The following PMFBP1 variants were observed in gnomAD, a reference collection of about 807,000 sequenced individuals.
PMFBP1 encodes polyamine-modulated factor 1-binding protein 1.
In PMFBP1, 131 loss-of-function variants were observed where a neutral mutation model predicts 137.8. The ratio of observed to expected loss-of-function variants is 0.95; its 90% CI spans 0.82 to 1.10. PMFBP1 has a LOEUF of 1.10. Ranked by LOEUF, PMFBP1 falls within the 50% of genes least tolerant of loss-of-function variation. PMFBP1 has a pLI of 0.00. For missense variants in PMFBP1, 1,199 were observed against 1,175.4 expected (o/e 1.02, Z -0.29); for synonymous variants, 490 against 450.4 (o/e 1.09, Z -1.11).
the PMFBP1 span, among the ~76,000 whole-genome samples, chr16:72,235,376 A>G: frequency 2.7e-4 from 41 of 151,404 alleles, no homozygotes; most frequent in Non-Finnish European, 4.7e-4. Context: ...TTTATCTACT[A>G]TTTTCTATCT....
upstream of PMFBP1, among the ~76,000 whole-genome samples, chr16:72,173,234 T>C (rs976050615): frequency 2.0e-5 from 3 of 152,220 alleles, no homozygotes; most frequent in Admixed American, 1.3e-4. Context: ...TCTACCACGA[T>C]GGACACCTTT....
chr16:72,139,588 G>A (rs2042685121), intron 6 of PMFBP1, among the ~76,000 whole-genome samples, 189 bp from the exon 7 acceptor site: 1 of 152,152 alleles, frequency 6.6e-6, no homozygotes, highest in African/African-American at 2.4e-5. Context: ...GATTCTCTAA[G>A]GCATATGTGA....
the PMFBP1 span, among the ~76,000 whole-genome samples, chr16:72,227,910 A>C: frequency 6.6e-6 from 1 of 152,220 alleles, no homozygotes; most frequent in Non-Finnish European, 1.5e-5. Flanking sequence ...ATGTTATCAC[A>C]TTCTTATTAT....
intron 14 of PMFBP1, among the ~76,000 whole-genome samples, chr16:72,126,553 A>G (rs1223775476): frequency 6.6e-6 from 1 of 152,214 alleles, no homozygotes; most frequent in Non-Finnish European, 1.5e-5. Flanking sequence ...ATGTGCCAGA[A>G]AGCAGGACTG....
At chr16:72,156,709 C>G (rs2042986975) in intron 3 of PMFBP1, among the ~76,000 whole-genome samples, 1 of 151,856 alleles carries the variant, frequency 6.6e-6, no homozygotes, top group Admixed American at 6.6e-5. Context: ...ATCTGTTCAC[C>G]AGTTGATGGA....
chr16:72,220,460 G>GA, the PMFBP1 span, among the ~76,000 whole-genome samples: 1 of 152,054 alleles, frequency 6.6e-6, no homozygotes, highest in Admixed American at 6.5e-5. Flanking sequence ...CCATGAATAG[G>GA]AAAAAAATGT....
Position 72,119,324 on chromosome 16 carries a change from G to A in PMFBP1, c.*14C>T, listed in dbSNP as rs1567616644. On this transcript the variant is annotated 3_prime_UTR_variant, in exon 21 of 21. Coordinates refer to ENST00000237353, the MANE Select transcript of PMFBP1 (RefSeq NM_031293.3). ...AACACCCGTGGAAATGCTGCTCAGG[G>A]CTAGATGTGGATTCTAGCAGTATGA... 6.2e-7 allele frequency: 1 copy of A among 1,613,266 alleles called. No individual in the cohort carries two copies. The highest frequency in any genetic ancestry group is 1.3e-5 in the African/African-American group (1 of 75,018).
At position 72,164,890 on chromosome 16, in the gene PMFBP1, G is replaced by A. The variant is rs1412699423; in HGVS notation, c.39C>T (p.Ser13=). ...DEAGERDREV[S]SLNSKLLSLQ... The stretch of plus-strand genomic sequence containing the variant: ...GGCTTAACAGCTTGCTGTTCAGGCT[G>A]CTCACTTCTCTGTCTCTCTCCCCCG... Residue 13 remains serine, a synonymous_variant, in exon 3 of 21, where the codon AGC becomes AGT. Transcript: ENST00000237353. The A allele has an allele frequency of 6.3e-7, 1 of 1,599,716 alleles. No individual in the cohort carries two copies. Among genetic ancestry groups the A allele is most frequent in the African/African-American group, 1.3e-5 (1 of 74,844 alleles).
chr16:72,209,570 T>G, the PMFBP1 span, among the ~76,000 whole-genome samples: 27 of 152,258 alleles, frequency 1.8e-4, no homozygotes, highest in African/African-American at 5.5e-4. Flanking sequence ...CATCATAATA[T>G]ATGTAAAATT....
the PMFBP1 span, among the ~76,000 whole-genome samples, chr16:72,209,341 G>A: frequency 2.0e-5 from 3 of 152,020 alleles, no homozygotes; most frequent in Non-Finnish European, 2.9e-5. Flanking sequence ...TATTTTAAAG[G>A]TCATCTCTGT....
intron 17 of PMFBP1, among the ~76,000 whole-genome samples, chr16:72,124,301 G>A (rs1236466136): frequency 6.6e-6 from 1 of 152,228 alleles, no homozygotes; most frequent in Non-Finnish European, 1.5e-5. Flanking sequence ...ATGAGCCACT[G>A]TGCCCGGCCT....
the PMFBP1 span, among the ~76,000 whole-genome samples, chr16:72,241,337 T>C: frequency 1.3e-5 from 2 of 152,238 alleles, no homozygotes; most frequent in Non-Finnish European, 1.5e-5. Flanking sequence ...GTTCTATTTA[T>C]AGGTGTTCAC....
At chr16:72,215,378 A>C in the PMFBP1 span, among the ~76,000 whole-genome samples, 3 of 152,130 alleles carry the variant, frequency 2.0e-5, no homozygotes, top group East Asian at 1.9e-4. Context: ...GAAAAAAAAA[A>C]CAAACAAGAT....
rs761628678 is a variant in PMFBP1 at position 72,125,954 on chromosome 16, G to A, written c.2253+14C>T. ...CCTGAAAACAGCCCTGGAGACTAGAGGGTGTGGCCTCACCTTCTCGAGGGC... is the reference window on the plus strand; with the variant it reads ...CCTGAAAACAGCCCTGGAGACTAGAAGGTGTGGCCTCACCTTCTCGAGGGC... On this transcript the variant is annotated intron_variant, in intron 15 of 20. Coordinates refer to ENST00000237353, the MANE Select transcript of PMFBP1 (RefSeq NM_031293.3). The A allele has an allele frequency of 4.3e-5, 69 of 1,613,132 alleles. No homozygotes were observed. Among genetic ancestry groups the A allele is most frequent in the Non-Finnish European group, 5.4e-5 (64 of 1,179,594 alleles).
At chr16:72,199,443 C>G in the PMFBP1 span, among the ~76,000 whole-genome samples, 3 of 152,070 alleles carry the variant, frequency 2.0e-5, no homozygotes, top group African/African-American at 7.2e-5. Flanking sequence ...GGCCTGAGGT[C>G]AGGAGTTCAA....
At chr16:72,125,789 A>G (rs191616871) in intron 15 of PMFBP1, among the ~76,000 whole-genome samples, 179 bp downstream of exon 15, 1 of 151,844 alleles carries the variant, frequency 6.6e-6, no homozygotes, top group East Asian at 1.9e-4. Flanking sequence ...CCTCCACCCA[A>G]CTCCAAGCCT....
the PMFBP1 span, among the ~76,000 whole-genome samples, chr16:72,208,389 T>C: frequency 6.6e-6 from 1 of 152,206 alleles, no homozygotes; most frequent in Non-Finnish European, 1.5e-5. Flanking sequence ...TTTCTTTACA[T>C]GATAAAAGAG....
At chr16:72,228,580 A>C in the PMFBP1 span, among the ~76,000 whole-genome samples, 2 of 152,140 alleles carry the variant, frequency 1.3e-5, no homozygotes, top group Admixed American at 1.3e-4. Context: ...CACAGACTGC[A>C]TCTCATTGAC....
Position 72,125,338 on chromosome 16 carries a change from G to C in PMFBP1, c.2321C>G (p.Ala774Gly), listed in dbSNP as rs761844868. The change falls in exon 16 of 21, where the codon GCT (alanine) becomes GGT (glycine). Residue 774 changes from alanine to glycine, a missense_variant. Coordinates refer to ENST00000237353, the MANE Select transcript of PMFBP1 (RefSeq NM_031293.3). ...AGCAATGATTTCCTCTTCCAGCTGA[G>C]CTTTCTTCTCTTGGGTCTGTGTCAA... ...QSLTQTQEKK[A>G]QLEEEIIAYE... 2 of 1,614,140 alleles carry C rather than the reference G, an allele frequency of 1.2e-6. No individual in the cohort carries two copies. The highest frequency in any genetic ancestry group is 2.2e-5 in the South Asian group (2 of 91,062).
Sources: gnomAD v4.1 joint callset for allele counts (sites outside exome capture counted in the v4.1 genomes callset) on GRCh38, gnomAD v4.1.1 for gene constraint, MANE v1.5 for transcripts, NCBI Gene and HGNC (gene_info 2026-07-23, HGNC 2026-07-21) for gene names.